ANKRD55: variants seen among roughly 807,000 people sequenced by gnomAD.
ANKRD55 encodes the protein ankyrin repeat domain-containing protein 55.
In ANKRD55, 41 loss-of-function variants were observed where a neutral mutation model predicts 60.6. That is an observed-to-expected ratio of 0.68 (90% confidence interval 0.53 to 0.88). ANKRD55 has a LOEUF of 0.88. ANKRD55 is among the 40% of genes least tolerant of loss of function. The pLI is 0.00. For synonymous variants in ANKRD55, 264 were observed against 290.3 expected (o/e 0.91, Z 0.92); for missense variants, 732 against 767.6 (o/e 0.95, Z 0.55).
chr5:56,226,484 G>T (rs1209312100), intron 2 of ANKRD55, among the ~76,000 whole-genome samples: 1 of 151,118 alleles, frequency 6.6e-6, no homozygotes, highest in African/African-American at 2.5e-5. Context: ...TGACAAATGG[G>T]ATCTAATTAA....
chr5:56,111,156 A>T lies in ANKRD55; in HGVS notation c.1592T>A (p.Val531Glu), dbSNP rs749946026. ...ATGTAGATGGCGAAGGTGTGGTGGC[A>T]CGGAGACCTCTTGGTGACCAGGCCG... ...SVRPGHQEVS[V>E]PPHLRHLHNP... is the part of the protein sequence containing the mutation. The change falls in exon 10 of 12, where the codon GTG (valine) becomes GAG (glutamate). Residue 531 changes from valine (V) to glutamate (E), a missense_variant. Coordinates refer to ENST00000341048, the MANE Select transcript of ANKRD55 (RefSeq NM_024669.3). 1 of 1,614,220 alleles carries T rather than the reference A, an allele frequency of 6.2e-7. No individual in the cohort carries two copies. The highest frequency in any genetic ancestry group is 2.2e-5 in the East Asian group (1 of 44,890).
At chr5:56,145,622 C>T (rs1757878259) in intron 6 of ANKRD55, among the ~76,000 whole-genome samples, 2 of 152,208 alleles carry the variant, frequency 1.3e-5, no homozygotes, top group Admixed American at 6.5e-5. Context: ...TGCCATTGTA[C>T]TTCTCATTTA....
At chr5:56,158,259 A>G (rs1205957993) in intron 6 of ANKRD55, among the ~76,000 whole-genome samples, 1 of 152,096 alleles carries the variant, frequency 6.6e-6, no homozygotes, top group Middle Eastern at 3.2e-3. Context: ...CCCCTTGCCT[A>G]TGGTCACCTA....
At chr5:56,158,703 G>A (rs1758254474) in intron 6 of ANKRD55, among the ~76,000 whole-genome samples, 1 of 152,036 alleles carries the variant, frequency 6.6e-6, no homozygotes, top group South Asian at 2.1e-4. Flanking sequence ...TTTCTTTTTG[G>A]AGGGGAGGGG....
In ANKRD55 at chr5:56,166,021, C is replaced by T. The variant is rs527869818; in HGVS notation, c.422+4673G>A. Among the ~76,000 whole-genome samples the T allele has an allele frequency of 1.6e-3, 243 of 152,322 alleles. 2 individuals carry two copies. The highest frequency in any genetic ancestry group is 5.5e-3 in the African/African-American group (230 of 41,564). ...TAAGAGCTGGAGCCAGATTTAAACT[C>T]AGTCAGTCTGACTCATACTCATGAG... On this transcript the variant is annotated intron_variant, in intron 5 of 11. Transcript: ENST00000341048.
intron 7 of ANKRD55, among the ~76,000 whole-genome samples, chr5:56,140,931 T>A (rs114910490): frequency 0.011 from 1,674 of 152,050 alleles, 27 homozygotes; most frequent in Non-Finnish European, 0.013. Flanking sequence ...GTCGTGGTGG[T>A]GTGTGCCTGT....
chr5:56,184,767 G>A (rs867813801), intron 2 of ANKRD55, among the ~76,000 whole-genome samples: 7 of 152,078 alleles, frequency 4.6e-5, no homozygotes, highest in African/African-American at 1.7e-4. Flanking sequence ...GCATTGTGGT[G>A]GGTACCTGTA....
rs530575602 is a variant in ANKRD55 at position 56,141,139 on chromosome 5, T to TG, written c.612+2661_612+2662insC. Among the ~76,000 whole-genome samples the TG allele has an allele frequency of 3.5e-4, 52 of 149,004 alleles. 1 individual carries two copies. The South Asian group carries it at 9.6e-3, about 28-fold the overall frequency. ...CATGCATGCACACACAGTTTTTTTT[T>TG]TTTTTTTTTTTATATAGAGATGGAG... is the stretch of plus-strand genomic sequence containing the variant. On this transcript the variant is annotated intron_variant, in intron 7 of 11. Coordinates refer to ENST00000341048, the MANE Select transcript of ANKRD55 (RefSeq NM_024669.3).
intron 5 of ANKRD55, among the ~76,000 whole-genome samples, chr5:56,162,913 C>T (rs1052275614): frequency 2.6e-5 from 4 of 152,068 alleles, no homozygotes; most frequent in African/African-American, 4.8e-5. Flanking sequence ...TGAACTCAAA[C>T]GATCCTCAGC....
At chr5:56,166,199 T>TTCCTTCTCTCTC (rs769664867) in intron 5 of ANKRD55, among the ~76,000 whole-genome samples, 4 of 96,122 alleles carry the variant, frequency 4.2e-5, no homozygotes, top group East Asian at 4.4e-4. Context: ...CCTTCCTTCC[T>TTCCTTCTCTCTC]TCTCTCTCTC....
At chr5:56,207,164 T>C (rs1317378742) in intron 2 of ANKRD55, among the ~76,000 whole-genome samples, 1 of 152,202 alleles carries the variant, frequency 6.6e-6, no homozygotes, top group Non-Finnish European at 1.5e-5. Context: ...GATGATATTA[T>C]GAGCATGTAA....
At chr5:56,191,441 T>C (rs777347881) in intron 2 of ANKRD55, among the ~76,000 whole-genome samples, 2 of 152,240 alleles carry the variant, frequency 1.3e-5, no homozygotes, top group Non-Finnish European at 2.9e-5. Context: ...TATTCCTAAG[T>C]ATTTTATTCT....
chr5:56,148,812 G>T (rs1213949316), intron 6 of ANKRD55, among the ~76,000 whole-genome samples: 1 of 151,922 alleles, frequency 6.6e-6, no homozygotes, highest in Non-Finnish European at 1.5e-5. Context: ...TGCTTGGTTT[G>T]TTCCCCGTCT....
At chr5:56,102,383 T>C (rs1756308568) in intron 11 of ANKRD55, 111 bp downstream of exon 11, 2 of 730,856 alleles carry the variant, frequency 2.7e-6, no homozygotes, top group African/African-American at 1.9e-5. Context: ...AGCGCAAGAC[T>C]CCATCTCAAA....
chr5:56,202,603 T>G (rs967826459), intron 2 of ANKRD55, among the ~76,000 whole-genome samples: 2 of 152,224 alleles, frequency 1.3e-5, no homozygotes, highest in Non-Finnish European at 2.9e-5. Context: ...ACTTTCCACA[T>G]GTACCAGTTG....
At chr5:56,231,867 T>C (rs1324837839) in intron 2 of ANKRD55, among the ~76,000 whole-genome samples, 2 of 152,102 alleles carry the variant, frequency 1.3e-5, no homozygotes, top group Non-Finnish European at 2.9e-5. Context: ...GTAATAAACA[T>C]GCTATGGCCT....
intron 7 of ANKRD55, among the ~76,000 whole-genome samples, chr5:56,129,106 C>T (rs1283321312): frequency 6.6e-6 from 1 of 152,130 alleles, no homozygotes; most frequent in Non-Finnish European, 1.5e-5. Context: ...GGCCCTGGAT[C>T]ACTTGCCTCC....
At chr5:56,108,367 T>G (rs1296599030) in intron 10 of ANKRD55, 1 of 152,212 alleles carries the variant, frequency 6.6e-6, no homozygotes, top group Non-Finnish European at 1.5e-5. Context: ...CAGGCCTAAC[T>G]CTGGAAAACA....
intron 5 of ANKRD55, among the ~76,000 whole-genome samples, chr5:56,166,199 T>TTC (rs60941066): frequency 0.099 from 9,488 of 95,788 alleles, 1,123 homozygotes; most frequent in Non-Finnish European, 0.13. Context: ...CCTTCCTTCC[T>TTC]TCTCTCTCTC....
Sources: gnomAD v4.1 joint callset for allele counts (sites outside exome capture counted in the v4.1 genomes callset) on GRCh38, gnomAD v4.1.1 for gene constraint, MANE v1.5 for transcripts, NCBI Gene and HGNC (gene_info 2026-07-23, HGNC 2026-07-21) for gene names.